Variants in COG2 observed in about 807,000 individuals in gnomAD.
The protein encoded by COG2 is conserved oligomeric Golgi complex subunit 2.
A neutral mutation model predicts 90.6 loss-of-function variants in COG2; 52 were observed. The observed-to-expected ratio is 0.57, with a 90% CI of 0.46 to 0.72. The LOEUF (loss-of-function observed/expected upper bound fraction) is 0.72, where lower values mean the gene tolerates loss of function less well. Among genes scored for constraint, COG2 ranks in the 30% least tolerant of loss-of-function variants. The pLI is 0.00. For missense variants in COG2, 829 were observed against 891.2 expected, an observed-to-expected ratio of 0.93 and a Z score of 0.89; for synonymous variants, 337 against 320.4, an observed-to-expected ratio of 1.05 and a Z score of -0.55.
chr1:230,660,834 C>A lies in COG2; in HGVS notation c.300+11C>A. ...CGAGAAGAGGTTCTGGTAAGTTTCC[C>A]GAATAACATCAAACAGTTTACCCTA... On this transcript the variant is annotated intron_variant, in intron 3 of 17. Coordinates refer to ENST00000366669, the MANE Select transcript of COG2 (RefSeq NM_007357.3). 1 of 1,548,770 alleles carries A rather than the reference C, an allele frequency of 6.5e-7. No individual in the cohort carries two copies. Among genetic ancestry groups the A allele is most frequent in the Admixed American group, 1.9e-5 (1 of 51,704 alleles).
chr1:230,678,957 G>T lies in COG2; in HGVS notation c.1071G>T (p.Gln357His). 1 of 1,613,614 alleles carries T rather than the reference G, an allele frequency of 6.2e-7. No homozygotes were observed. Among genetic ancestry groups the T allele is most frequent in the South Asian group, 1.1e-5 (1 of 91,058 alleles). The change falls in exon 10 of 18, where the codon CAG becomes CAT. Residue 357 changes from glutamine (Q) to histidine (H), a missense_variant. By Grantham distance (24) the Gln-to-His change is conservative. Coordinates refer to ENST00000366669, the MANE Select transcript of COG2 (RefSeq NM_007357.3). ...ATTTTGTCAGAAGATTGGAACGGCAGTGTGGATCACAGGCTAGTGTAAAGA... is the reference window on the plus strand; with the variant it reads ...ATTTTGTCAGAAGATTGGAACGGCATTGTGGATCACAGGCTAGTGTAAAGA... ...SMDFVRRLER[Q>H]CGSQASVKRL...
intron 9 of COG2, chr1:230,678,036 G>T (rs2102765136): frequency 3.0e-6 from 3 of 985,388 alleles, no homozygotes; most frequent in South Asian, 9.4e-5. Flanking sequence ...ACTACTGTAA[G>T]ATCCTTTCTA....
At chr1:230,686,833 C>A in intron 12 of COG2, 102 bp from the exon 13 acceptor site, 1 of 618,314 alleles carries the variant, frequency 1.6e-6, no homozygotes, top group Non-Finnish European at 2.6e-6. Context: ...ATGTAGACAG[C>A]TAGCATTTAA....
At chr1:230,655,083 T>G (rs1253709304) in intron 1 of COG2, among the ~76,000 whole-genome samples, 1 of 152,220 alleles carries the variant, frequency 6.6e-6, no homozygotes, top group African/African-American at 2.4e-5. Flanking sequence ...TTGAATACCC[T>G]TTATTTCTTT....
chr1:230,685,131 C>A lies in COG2; in HGVS notation c.1275C>A (p.Ser425Arg). ...TGGCTTCTCATAGAACTTGGAGCAG[C>A]CTTAGGAGGTGTTGGTCAGATGAGA... is the stretch of plus-strand genomic sequence containing the variant. ...CLLASHRTWS[S>R]LRRCWSDEMF... Residue 425 changes from serine to arginine, a missense_variant, in exon 12 of 18, where the codon AGC (serine) becomes AGA (arginine). Physicochemically the swap from Ser to Arg is moderately radical, Grantham distance 110 (BLOSUM62 -1). Transcript: ENST00000366669. 1.9e-6 allele frequency: 3 copies of A among 1,614,140 alleles called. No individual in the cohort carries two copies. Among genetic ancestry groups the A allele is most frequent in the Non-Finnish European group, 2.5e-6 (3 of 1,180,028 alleles).
At position 230,660,259 on chromosome 1, in the gene COG2, A is replaced by G. The variant is rs540274241; in HGVS notation, c.235-499A>G. Among the ~76,000 whole-genome samples, 40 of 152,368 alleles carry G rather than the reference A, an allele frequency of 2.6e-4. 1 individual carries two copies. Among genetic ancestry groups the G allele is most frequent in the Admixed American group, 2.5e-3 (39 of 15,310 alleles). Reference sequence around the variant, plus strand: ...TAAGAAGCATTAAAATTAATGAGCCATATTTGCATTTGGGAAATGTACATC... The same window carrying G: ...TAAGAAGCATTAAAATTAATGAGCCGTATTTGCATTTGGGAAATGTACATC... On this transcript the variant is annotated intron_variant, in intron 2 of 17. Transcript: ENST00000366669.
chr1:230,645,350 G>A (rs1360493727), intron 1 of COG2, among the ~76,000 whole-genome samples: 2 of 152,118 alleles, frequency 1.3e-5, no homozygotes, highest in East Asian at 1.9e-4. Context: ...TAGGCTAACA[G>A]GGATAACTTA....
At chr1:230,653,456 A>G (rs965406342) in intron 1 of COG2, among the ~76,000 whole-genome samples, 15 of 140,024 alleles carry the variant, frequency 1.1e-4, no homozygotes, top group African/African-American at 3.7e-4. Flanking sequence ...CCCAACCTCA[A>G]GTGAACCCCC....
chr1:230,680,650 G>C (rs1336659722), intron 10 of COG2: 1 of 152,098 alleles, frequency 6.6e-6, no homozygotes, highest in African/African-American at 2.4e-5. Flanking sequence ...GAGCTGATTA[G>C]CCTTTTTTAA....
At chr1:230,674,925 G>T in intron 8 of COG2, 73 bp from the exon 9 acceptor site, 1 of 1,227,982 alleles carries the variant, frequency 8.1e-7, no homozygotes, top group South Asian at 1.7e-5. Flanking sequence ...TTTGGCAGAA[G>T]CAACACAGTG....
At chr1:230,642,728 C>T (rs1398273476) in intron 1 of COG2, 50 bp downstream of exon 1, 9 of 1,568,610 alleles carry the variant, frequency 5.7e-6, no homozygotes, top group Non-Finnish European at 7.8e-6. Context: ...GTGCCTCTGC[C>T]CTGTGCCCTC....
At chr1:230,675,181 T>C in intron 9 of COG2, 57 bp downstream of exon 9, 1 of 1,559,982 alleles carries the variant, frequency 6.4e-7, no homozygotes, top group Non-Finnish European at 8.7e-7. Context: ...ACTGGAGAAA[T>C]ATCATGTTCT....
At chr1:230,663,398 G>C (rs1404195564) in intron 4 of COG2, among the ~76,000 whole-genome samples, 177 bp downstream of exon 4, 1 of 151,954 alleles carries the variant, frequency 6.6e-6, no homozygotes, top group Non-Finnish European at 1.5e-5. Flanking sequence ...GTATTTATTA[G>C]ATGTATTTAT....
intron 9 of COG2, among the ~76,000 whole-genome samples, chr1:230,677,476 C>T (rs187311901): frequency 6.6e-6 from 1 of 152,264 alleles, no homozygotes; most frequent in East Asian, 1.9e-4. Context: ...TCCCATGTTA[C>T]AGTGCATTGA....
intron 11 of COG2, chr1:230,684,477 T>A (rs55901510): frequency 0.95 from 144,330 of 152,440 alleles, 68,394 homozygotes; most frequent in East Asian, 0.99. Context: ...ACATACCCTT[T>A]CAGCCTCATT....
At chr1:230,656,933 C>T (rs544567462) in intron 1 of COG2, among the ~76,000 whole-genome samples, 21 of 152,258 alleles carry the variant, frequency 1.4e-4, no homozygotes, top group Admixed American at 3.9e-4. Context: ...GTAAATATTC[C>T]TCCATCCCTT....
At chr1:230,647,764 C>G (rs1260608985) in intron 1 of COG2, among the ~76,000 whole-genome samples, 1 of 152,190 alleles carries the variant, frequency 6.6e-6, no homozygotes, top group East Asian at 1.9e-4. Context: ...TAAATCACCT[C>G]TAGATTACTT....
chr1:230,693,708 A>G lies in COG2; in HGVS notation c.*315A>G, dbSNP rs375222074. The G allele has an allele frequency of 4.5e-4, 90 of 199,650 alleles. 2 individuals carry two copies. The highest frequency in any genetic ancestry group is 2.0e-3 in the African/African-American group (85 of 43,360). 12.4% of individuals were successfully genotyped at this position (199,650 alleles called of 1,614,324 possible). A position where few individuals can be genotyped will look rare whatever the true frequency, so the allele number is the denominator to read the frequency against. ...GTGTGGAAGAGCTGATTTCTAAAAT[A>G]TGATTAAAGTAAATATATACCTATG... is the stretch of plus-strand genomic sequence containing the variant. On this transcript the variant is annotated 3_prime_UTR_variant, in exon 18 of 18. Coordinates refer to ENST00000366669, the MANE Select transcript of COG2 (RefSeq NM_007357.3).
intron 1 of COG2, among the ~76,000 whole-genome samples, chr1:230,646,446 C>T (rs1401726567): frequency 6.6e-6 from 1 of 152,078 alleles, no homozygotes; most frequent in Admixed American, 6.6e-5. Context: ...TAATCATTCT[C>T]CTCCTAGCCA....
Sources: allele counts gnomAD v4.1 joint callset (sites outside exome capture counted in the v4.1 genomes callset), GRCh38; gene constraint gnomAD v4.1.1; transcripts MANE v1.5; gene names NCBI Gene and HGNC (gene_info 2026-07-23, HGNC 2026-07-21).